Variants in BBS9 observed in about 807,000 individuals in gnomAD.
The protein encoded by BBS9 is protein PTHB1.
BBS9 carries 89 observed loss-of-function variants against 117.7 expected under a neutral mutation model. The ratio of observed to expected loss-of-function variants is 0.76; its 90% CI spans 0.64 to 0.90. The LOEUF is 0.90. Among genes scored for constraint, BBS9 ranks in the 40% least tolerant of loss-of-function variants. The probability of loss-of-function intolerance (pLI) is 0.00; values close to 1 mark genes in which losing one functional copy is unlikely to be tolerated. For synonymous variants in BBS9, 379 were observed against 370.9 expected, an observed-to-expected ratio of 1.02 and a Z score of -0.25; for missense variants, 982 against 1,042.2, an observed-to-expected ratio of 0.94 and a Z score of 0.80.
intron 16 of BBS9, among the ~76,000 whole-genome samples, chr7:33,366,543 C>CTTTTTTTT (rs70989948): frequency 2.8e-4 from 25 of 89,684 alleles, no homozygotes; most frequent in African/African-American, 4.4e-4. Flanking sequence ...TCTTTTCTTT[C>CTTTTTTTT]TTTTTTTTTT....
downstream of BBS9, among the ~76,000 whole-genome samples, chr7:33,610,488 C>A (rs190672340): frequency 5.3e-5 from 8 of 152,114 alleles, no homozygotes; most frequent in African/African-American, 1.9e-4. Context: ...CTGTTCTTTG[C>A]GTGGCAGAAG....
At chr7:33,587,585 T>A (rs144758184) in intron 21 of BBS9, among the ~76,000 whole-genome samples, 53 of 152,264 alleles carry the variant, frequency 3.5e-4, no homozygotes, top group Non-Finnish European at 5.9e-4. Context: ...GAAGGGCTGC[T>A]ATGTTCCATC....
chr7:33,495,312 C>G (rs971259441), intron 19 of BBS9, among the ~76,000 whole-genome samples: 2 of 152,162 alleles, frequency 1.3e-5, no homozygotes, highest in African/African-American at 4.8e-5. Flanking sequence ...AAGGAATGCT[C>G]TTAGGACACC....
intron 9 of BBS9, among the ~76,000 whole-genome samples, chr7:33,313,189 C>T (rs1005990845): frequency 6.6e-5 from 10 of 151,800 alleles, no homozygotes; most frequent in African/African-American, 1.7e-4. Context: ...TTTTCCCTCA[C>T]TGTCTGATTT....
intron 9 of BBS9, among the ~76,000 whole-genome samples, chr7:33,325,839 A>G (rs1329452914): frequency 6.6e-6 from 1 of 152,158 alleles, no homozygotes; most frequent in Non-Finnish European, 1.5e-5. Context: ...CCCAACAAAA[A>G]GAGTCTCTCT....
At chr7:33,210,947 T>G (rs1488476234) in intron 5 of BBS9, among the ~76,000 whole-genome samples, 2 of 152,192 alleles carry the variant, frequency 1.3e-5, no homozygotes, top group Admixed American at 1.3e-4. Flanking sequence ...TTATTACAGT[T>G]TTTGTCTTGA....
chr7:33,585,037 A>G (rs1439800011), intron 21 of BBS9, among the ~76,000 whole-genome samples: 1 of 151,944 alleles, frequency 6.6e-6, no homozygotes, highest in Non-Finnish European at 1.5e-5. Context: ...TTTATTTTCC[A>G]CTTTATTATT....
At chr7:33,634,519 A>G (rs919513271) in intron 21 of BBS9, among the ~76,000 whole-genome samples, 1 of 152,218 alleles carries the variant, frequency 6.6e-6, no homozygotes, top group African/African-American at 2.4e-5. Flanking sequence ...AGTAGGAATC[A>G]CATAAGAGCA....
At chr7:33,232,127 TGAG>T (rs1402849434) in intron 5 of BBS9, among the ~76,000 whole-genome samples, 1 of 152,184 alleles carries the variant, frequency 6.6e-6, no homozygotes, top group African/African-American at 2.4e-5. Context: ...GAACAAACCA[TGAG>T]AAGTCATAAA....
chr7:33,518,274 T>TG (rs1336730611), intron 20 of BBS9, among the ~76,000 whole-genome samples: 1 of 137,084 alleles, frequency 7.3e-6, no homozygotes, highest in Non-Finnish European at 1.5e-5. Context: ...TTTTTTGAGA[T>TG]GGAGTCCCAC....
At chr7:33,345,671 C>G (rs568800432) in intron 12 of BBS9, among the ~76,000 whole-genome samples, 1 of 152,036 alleles carries the variant, frequency 6.6e-6, no homozygotes, top group African/African-American at 2.4e-5. Flanking sequence ...TTAATACTTC[C>G]GAATCTGGAA....
chr7:33,130,523 T>A (rs1279898158), intron 1 of BBS9, among the ~76,000 whole-genome samples: 1 of 152,214 alleles, frequency 6.6e-6, no homozygotes, highest in African/African-American at 2.4e-5. Context: ...GAAATGTATT[T>A]TTTTGGGTAT....
At chr7:33,395,970 C>T (rs1827887291) in intron 19 of BBS9, among the ~76,000 whole-genome samples, 2 of 151,788 alleles carry the variant, frequency 1.3e-5, no homozygotes, top group South Asian at 4.2e-4. Context: ...CACTTAAGAG[C>T]TAAAAGGAAA....
chr7:33,617,997 A>G (rs74543887), intron 21 of BBS9, among the ~76,000 whole-genome samples: 1,657 of 152,292 alleles, frequency 0.011, 28 homozygotes, highest in East Asian at 0.083. Flanking sequence ...GTTCATCACT[A>G]CTAGATCTAC....
chr7:33,483,846 C>G (rs941211752), intron 19 of BBS9, among the ~76,000 whole-genome samples: 4 of 152,040 alleles, frequency 2.6e-5, no homozygotes, highest in Admixed American at 2.0e-4. Context: ...CTTTGTTACC[C>G]AGGCTGGTCT....
intron 19 of BBS9, among the ~76,000 whole-genome samples, chr7:33,410,177 C>T (rs1235185240): frequency 1.3e-5 from 2 of 152,154 alleles, no homozygotes; most frequent in East Asian, 3.9e-4. Context: ...TGACAAAGAC[C>T]TCAGAGAAAA....
intron 19 of BBS9, among the ~76,000 whole-genome samples, chr7:33,449,658 CAA>C (rs1563192033): frequency 6.6e-6 from 1 of 152,102 alleles, no homozygotes; most frequent in African/African-American, 2.4e-5. Flanking sequence ...TGTTAGAGTA[CAA>C]AGACATTTTC....
chr7:33,324,801 C>T (rs1452633886), intron 9 of BBS9, among the ~76,000 whole-genome samples: 2 of 152,114 alleles, frequency 1.3e-5, no homozygotes, highest in Non-Finnish European at 2.9e-5. Flanking sequence ...TATCATGCTA[C>T]TCTCTCCTGG....
chr7:33,144,483 G>C lies in BBS9; in HGVS notation c.-11-1759G>C, dbSNP rs1006050655. ...CAAAGGAGTAAAAATTGAGTCACCT[G>C]ATGCACATGTTCCCAGCTGATGTTA... is the stretch of plus-strand genomic sequence containing the variant. On this transcript the variant is annotated intron_variant, in intron 1 of 22. Transcript: ENST00000242067. Among the ~76,000 whole-genome samples the C allele has an allele frequency of 2.0e-5, 3 of 152,198 alleles. No homozygotes were observed. In the South Asian group the frequency reaches 6.2e-4, roughly 32 times the overall value.
Sources: gnomAD v4.1 joint callset for allele counts (sites outside exome capture counted in the v4.1 genomes callset) on GRCh38, gnomAD v4.1.1 for gene constraint, MANE v1.5 for transcripts, NCBI Gene and HGNC (gene_info 2026-07-23, HGNC 2026-07-21) for gene names.